KLHL3: variants seen among roughly 807,000 people sequenced by gnomAD.
KLHL3 encodes the protein kelch-like protein 3.
KLHL3 carries 19 observed loss-of-function variants against 70.5 expected under a neutral mutation model. That is an observed-to-expected ratio of 0.27 (90% confidence interval 0.19 to 0.40). The LOEUF (loss-of-function observed/expected upper bound fraction) is 0.40, where lower values mean the gene tolerates loss of function less well. KLHL3 is among the 10% of genes least tolerant of loss of function. The pLI, the probability that KLHL3 is intolerant of heterozygous loss-of-function variation, is 1.00. For synonymous variants in KLHL3, 258 were observed against 290.3 expected, an observed-to-expected ratio of 0.89 and a Z score of 1.13; for missense variants, 512 against 771.1, an observed-to-expected ratio of 0.66 and a Z score of 3.98.
intron 6 of KLHL3, among the ~76,000 whole-genome samples, chr5:137,664,706 T>A (rs1751569864): frequency 6.6e-6 from 1 of 151,912 alleles, no homozygotes; most frequent in African/African-American, 2.4e-5. Context: ...TAGTCCCAGC[T>A]GCTTGAGAGG....
intron 3 of KLHL3, among the ~76,000 whole-genome samples, chr5:137,701,540 T>G (rs1198352697): frequency 6.6e-6 from 1 of 152,188 alleles, no homozygotes; most frequent in Non-Finnish European, 1.5e-5. Flanking sequence ...AAGTTAGTAC[T>G]TAATACCTAG....
At chr5:137,726,082 G>A (rs1309612847) in intron 1 of KLHL3, among the ~76,000 whole-genome samples, 1 of 152,016 alleles carries the variant, frequency 6.6e-6, no homozygotes, top group South Asian at 2.1e-4. Flanking sequence ...GCACACCATC[G>A]CCAAACTGAT....
At chr5:137,674,624 G>A (rs1455577222) in intron 6 of KLHL3, among the ~76,000 whole-genome samples, 7 of 152,174 alleles carry the variant, frequency 4.6e-5, no homozygotes, top group African/African-American at 1.7e-4. Context: ...TTGCCGTTAT[G>A]CTGTTAAGTG....
Position 137,639,711 on chromosome 5 carries a change from C to CAAAAAA in KLHL3, c.1021+143_1021+148dup. 1 of 504,454 alleles carries CAAAAAA rather than the reference C, an allele frequency of 2.0e-6. No individual in the cohort carries two copies. The highest frequency in any genetic ancestry group is 3.5e-6 in the Non-Finnish European group (1 of 286,120). 31.2% of individuals were successfully genotyped at this position (504,454 alleles called of 1,614,324 possible). On this transcript the variant is annotated intron_variant, in intron 9 of 14. Transcript: ENST00000309755. The surrounding 1 kb of genome is among the most constrained non-coding windows in gnomAD (Gnocchi z 5.0). ...TCTGTCTTAAAACAACGACAACAAC[C>CAAAAAA]AAAAAAAAAAAAAAAGTGTGCAGGA... is the stretch of plus-strand genomic sequence containing the variant.
intron 1 of KLHL3, among the ~76,000 whole-genome samples, chr5:137,723,977 G>T (rs1487606404): frequency 1.3e-5 from 2 of 152,140 alleles, no homozygotes; most frequent in Non-Finnish European, 2.9e-5. Context: ...GTTCATATGG[G>T]TTTTTTCCTT....
intron 2 of KLHL3, among the ~76,000 whole-genome samples, chr5:137,715,874 C>T (rs1419568046): frequency 1.3e-5 from 2 of 152,198 alleles, no homozygotes; most frequent in Non-Finnish European, 2.9e-5. Context: ...ATCTTCTTAA[C>T]AAGCCAGCAA....
At chr5:137,730,912 C>G (rs148489067) in intron 1 of KLHL3, among the ~76,000 whole-genome samples, 4 of 151,774 alleles carry the variant, frequency 2.6e-5, no homozygotes, top group African/African-American at 9.7e-5. Context: ...ACCTGAGAGG[C>G]ATTGAACTTA....
intron 8 of KLHL3, among the ~76,000 whole-genome samples, chr5:137,648,939 C>A (rs1751129239): frequency 6.6e-6 from 1 of 152,192 alleles, no homozygotes; most frequent in Non-Finnish European, 1.5e-5. Flanking sequence ...TCTTTCTCTA[C>A]TTATTTGGTT....
chr5:137,681,126 G>A (rs1326117977), intron 5 of KLHL3, among the ~76,000 whole-genome samples: 1 of 152,040 alleles, frequency 6.6e-6, no homozygotes, highest in Non-Finnish European at 1.5e-5. Context: ...ACTGTCCAGT[G>A]GTATAGGTTA....
At chr5:137,701,293 C>A (rs933575159) in intron 3 of KLHL3, among the ~76,000 whole-genome samples, 4 of 152,154 alleles carry the variant, frequency 2.6e-5, no homozygotes, top group Non-Finnish European at 5.9e-5. Context: ...GACGATCTGT[C>A]CTCCTTGGCC....
intron 5 of KLHL3, among the ~76,000 whole-genome samples, chr5:137,691,372 G>C (rs1752317948): frequency 6.6e-6 from 1 of 152,202 alleles, no homozygotes; most frequent in South Asian, 2.1e-4. Flanking sequence ...GTCTGCAAAA[G>C]CTCAATCTTA....
chr5:137,649,708 A>G (rs4496703), intron 8 of KLHL3, among the ~76,000 whole-genome samples: 145,731 of 152,338 alleles, frequency 0.96, 70,046 homozygotes, highest in East Asian at 1. Flanking sequence ...CCTCATCTGC[A>G]AAATGGGGAT....
intron 8 of KLHL3, among the ~76,000 whole-genome samples, chr5:137,657,536 G>A (rs1275796305): frequency 6.6e-6 from 1 of 152,144 alleles, no homozygotes; most frequent in East Asian, 1.9e-4. Context: ...TCTAGATCAT[G>A]GGGTCCCCTC....
chr5:137,625,161 T>C (rs566564758), intron 14 of KLHL3, among the ~76,000 whole-genome samples: 2 of 152,390 alleles, frequency 1.3e-5, no homozygotes, highest in South Asian at 2.1e-4. Context: ...CACTGCCCCA[T>C]GGCACGGGGC....
chr5:137,631,471 A>G (rs142352720), intron 12 of KLHL3, among the ~76,000 whole-genome samples: 71 of 152,360 alleles, frequency 4.7e-4, no homozygotes, highest in African/African-American at 1.6e-3. Context: ...ATCTCCAGAC[A>G]TGAACACTAA....
At chr5:137,710,042 C>G (rs1255832952) in intron 2 of KLHL3, among the ~76,000 whole-genome samples, 186 bp from the exon 3 acceptor site, 2 of 152,126 alleles carry the variant, frequency 1.3e-5, no homozygotes, top group Non-Finnish European at 2.9e-5. Context: ...CCTGATAAAC[C>G]TGACATTCAT....
intron 1 of KLHL3, among the ~76,000 whole-genome samples, chr5:137,729,287 T>C (rs1031190917): frequency 6.6e-6 from 1 of 152,146 alleles, no homozygotes. Flanking sequence ...CATTAAAAAC[T>C]CTCAACAAAG....
intron 3 of KLHL3, among the ~76,000 whole-genome samples, chr5:137,704,713 A>G (rs1217214462): frequency 1.3e-5 from 2 of 152,196 alleles, no homozygotes; most frequent in African/African-American, 2.4e-5. Flanking sequence ...ATTCCTGAGC[A>G]CCACACAGTC....
chr5:137,724,168 T>C (rs757286532), intron 1 of KLHL3, among the ~76,000 whole-genome samples: 17 of 152,258 alleles, frequency 1.1e-4, no homozygotes, highest in African/African-American at 2.4e-4. Context: ...ATTATAAATA[T>C]TGTCTTCAAA....
Sources: gnomAD v4.1 joint callset for allele counts (sites outside exome capture counted in the v4.1 genomes callset) on GRCh38, gnomAD v4.1.1 for gene constraint, Gnocchi (gnomAD v3.1) non-coding constraint, MANE v1.5 for transcripts, NCBI Gene and HGNC (gene_info 2026-07-23, HGNC 2026-07-21) for gene names.